SERINC2: variants seen among roughly 807,000 people sequenced by gnomAD.
SERINC2 encodes serine incorporator 2, also known as tumor differentially expressed protein 2.
A neutral mutation model predicts 54.2 loss-of-function variants in SERINC2; 56 were observed. That is an observed-to-expected ratio of 1.03 (90% confidence interval 0.83 to 1.29). The LOEUF (loss-of-function observed/expected upper bound fraction) is 1.29, where lower values mean the gene tolerates loss of function less well. Among genes scored for constraint, SERINC2 ranks in the 50% most tolerant of loss-of-function variants. SERINC2 has a pLI of 0.00. For synonymous variants in SERINC2, 272 were observed against 253.1 expected (o/e 1.07, Z -0.71); for missense variants, 614 against 607.4 (o/e 1.01, Z -0.12).
intron 6 of SERINC2, among the ~76,000 whole-genome samples, chr1:31,427,976 C>T (rs113312483): frequency 1.3e-5 from 2 of 152,026 alleles, no homozygotes; most frequent in African/African-American, 2.4e-5. Flanking sequence ...AGCTGCTCAC[C>T]TCAGCCTCCC....
At position 31,427,898 on chromosome 1, in the gene SERINC2, G is replaced by A. The variant is rs1393024111; in HGVS notation, c.780+1075G>A. On this transcript the variant is annotated intron_variant, in intron 6 of 9. Transcript: ENST00000373709. ...GGCTGGAGTGCAGTGGTGTAATCTCGGCTCACTGCAAGCTCCGCCTCCCAG... is the reference window on the plus strand; with the variant it reads ...GGCTGGAGTGCAGTGGTGTAATCTCAGCTCACTGCAAGCTCCGCCTCCCAG... Among the ~76,000 whole-genome samples, 6 of 142,692 alleles carry A rather than the reference G, an allele frequency of 4.2e-5. No homozygotes were observed. The South Asian group carries it at 6.7e-4, about 16-fold the overall frequency. 93.6% of individuals were successfully genotyped at this position (142,692 alleles called of 152,430 possible). A position where few individuals can be genotyped will look rare whatever the true frequency, so the allele number is the denominator to read the frequency against.
At position 31,434,250 on chromosome 1, in the gene SERINC2, G is replaced by C. The variant is rs782180001; in HGVS notation, c.*51G>C. On this transcript the variant is annotated 3_prime_UTR_variant, in exon 10 of 10. Transcript: ENST00000373709. ...TGCCTCCTGCCACCTGGTGCCTCTCGGCTCAGTGACAGCCAACCTGCCCCC... is the reference window on the plus strand; with the variant it reads ...TGCCTCCTGCCACCTGGTGCCTCTCCGCTCAGTGACAGCCAACCTGCCCCC... The C allele has an allele frequency of 6.3e-7, 1 of 1,582,936 alleles. No homozygotes were observed.
chr1:31,428,940 T>C, intron 6 of SERINC2, 38 bp from the exon 7 acceptor site: 1 of 1,571,462 alleles, frequency 6.4e-7, no homozygotes, highest in Non-Finnish European at 8.8e-7. Context: ...GGGGTGTCTC[T>C]GGTCTGGCAG....
In SERINC2 at chr1:31,413,589, G is replaced by C. The variant is rs1640699444; in HGVS notation, c.39+285G>C. On this transcript the variant is annotated intron_variant, in intron 1 of 9. Transcript: ENST00000373709. The surrounding 1 kb of genome is among the most constrained non-coding windows in gnomAD (Gnocchi z 5.0). ...GTGCCCTCGGCGGGCGCCCTCCTGG[G>C]ACCTGGAGAGACTAAGCCTGGAGCC... 1.3e-5 allele frequency among the ~76,000 whole-genome samples: 2 copies of C among 151,808 alleles called. No individual in the cohort carries two copies. Among genetic ancestry groups the C allele is most frequent in the Admixed American group, 1.3e-4 (2 of 15,262 alleles).
intron 1 of SERINC2, among the ~76,000 whole-genome samples, chr1:31,418,902 T>G (rs1553132509): frequency 1.3e-5 from 2 of 152,186 alleles, no homozygotes; most frequent in East Asian, 3.8e-4. Context: ...ATTGGCAGTG[T>G]GCAAGCAGCA....
Position 31,426,844 on chromosome 1 carries a change from C to A in SERINC2, c.780+21C>A, listed in dbSNP as rs782801922. On this transcript the variant is annotated intron_variant, in intron 6 of 9. Coordinates refer to ENST00000373709, the MANE Select transcript of SERINC2 (RefSeq NM_178865.5). ...TCCAGGTGAGCCTGCCTGACCCCCC[C>A]TGGCCTGAAGCCCGGCCCCTTAGTG... is the stretch of plus-strand genomic sequence containing the variant. 3.7e-6 allele frequency: 6 copies of A among 1,607,980 alleles called. 1 individual carries two copies. In the African/African-American group the frequency reaches 5.3e-5, roughly 14 times the overall value.
intron 8 of SERINC2, among the ~76,000 whole-genome samples, chr1:31,431,787 T>G (rs61781664): frequency 4.7e-3 from 57 of 12,010 alleles, no homozygotes; most frequent in South Asian, 0.013. Context: ...ATAGGGTGGA[T>G]AGGGTGGATA....
chr1:31,413,322 C>T lies in SERINC2; in HGVS notation c.39+18C>T, dbSNP rs542589129. ...TCAGCTGCGTGAGTCCCGACCCCGG[C>T]GCCCGCCCGCGCGCGCCGCCCGTTC... On this transcript the variant is annotated intron_variant, in intron 1 of 9. Coordinates refer to ENST00000373709, the MANE Select transcript of SERINC2 (RefSeq NM_178865.5). The surrounding 1 kb of genome is among the most constrained non-coding windows in gnomAD (Gnocchi z 5.0). 80 of 1,239,192 alleles carry T rather than the reference C, an allele frequency of 6.5e-5. No individual in the cohort carries two copies. The East Asian group carries it at 1.7e-3, about 27-fold the overall frequency. The allele number at this position is 1,239,192 out of a possible 1,614,324, so 76.8% of individuals were successfully genotyped here.
chr1:31,425,102 G>C (rs1553133354), intron 3 of SERINC2, among the ~76,000 whole-genome samples: 1 of 152,200 alleles, frequency 6.6e-6, no homozygotes, highest in African/African-American at 2.4e-5. Context: ...GCTGGGGCTG[G>C]ACCTGGGTGA....
At chr1:31,421,802 TGGCCTTGC>T (rs1553132759) in intron 1 of SERINC2, among the ~76,000 whole-genome samples, 130 of 152,318 alleles carry the variant, frequency 8.5e-4, no homozygotes, top group African/African-American at 3.0e-3. Context: ...CTATGTGGTC[TGGCCTTGC>T]CAGCCTGTCT....
intron 1 of SERINC2, among the ~76,000 whole-genome samples, chr1:31,421,144 A>T (rs145129934): frequency 6.6e-6 from 1 of 152,304 alleles, no homozygotes; most frequent in Non-Finnish European, 1.5e-5. Context: ...TTCTCATAGG[A>T]GTGCGAACCC....
intron 1 of SERINC2, among the ~76,000 whole-genome samples, chr1:31,419,565 T>C (rs1640858851): frequency 6.6e-6 from 1 of 152,320 alleles, no homozygotes; most frequent in South Asian, 2.1e-4. Context: ...TGGTGGCTCA[T>C]GCCTATAATC....
chr1:31,425,662 CA>C, intron 4 of SERINC2, 113 bp from the exon 5 acceptor site: 1 of 1,326,696 alleles, frequency 7.5e-7, no homozygotes, highest in Non-Finnish European at 1.0e-6. Context: ...TCCCTGAGGG[CA>C]GGGACTCTGT....
rs782798689 is a variant in SERINC2, at chr1:31,434,224, G to C, written c.*25G>C. The C allele has an allele frequency of 2.5e-6, 4 of 1,607,066 alleles. No homozygotes were observed. The South Asian group carries it at 4.4e-5, about 18-fold the overall frequency. Reference sequence around the variant, plus strand: ...AGGCAGCCTCACAGCCTGCCATCTGGTGCCTCCTGCCACCTGGTGCCTCTC... The same window carrying C: ...AGGCAGCCTCACAGCCTGCCATCTGCTGCCTCCTGCCACCTGGTGCCTCTC... On this transcript the variant is annotated 3_prime_UTR_variant, in exon 10 of 10. Transcript: ENST00000373709.
chr1:31,432,925 G>A lies in SERINC2; in HGVS notation c.1014-42G>A, dbSNP rs181141591. 2.5e-4 allele frequency: 375 copies of A among 1,493,384 alleles called. 2 individuals are homozygous for A. Among genetic ancestry groups the A allele is most frequent in the African/African-American group, 2.5e-3 (181 of 72,372 alleles). The allele number at this position is 1,493,384 out of a possible 1,614,324, so 92.5% of individuals were successfully genotyped here. ...ATTTGTGTCCAGTGTTATGAGCAAC[G>A]CCAGAGCTATCTATTTGCCCACCTT... On this transcript the variant is annotated intron_variant, in intron 8 of 9. Coordinates refer to ENST00000373709, the MANE Select transcript of SERINC2 (RefSeq NM_178865.5).
chr1:31,423,490 A>C (rs1640949789), intron 1 of SERINC2, among the ~76,000 whole-genome samples: 1 of 152,148 alleles, frequency 6.6e-6, no homozygotes, highest in Admixed American at 6.5e-5. Flanking sequence ...CCCAGGTTTG[A>C]ATCTGGGTTC....
At chr1:31,414,340 C>A in intron 1 of SERINC2, 1 of 1,301,030 alleles carries the variant, frequency 7.7e-7, no homozygotes, top group Non-Finnish European at 9.7e-7. Flanking sequence ...CCTCTGGCCC[C>A]ACACAAAGAG....
At chr1:31,415,084 A>G (rs1640750419) in intron 1 of SERINC2, among the ~76,000 whole-genome samples, 1 of 152,226 alleles carries the variant, frequency 6.6e-6, no homozygotes, top group Non-Finnish European at 1.5e-5. Flanking sequence ...ATCTGTTTAC[A>G]GATGAGAAGA....
chr1:31,414,354 C>A, intron 1 of SERINC2: 1 of 1,269,970 alleles, frequency 7.9e-7, no homozygotes, highest in Non-Finnish European at 9.9e-7. Flanking sequence ...CAAAGAGGCC[C>A]TGAGAGGGAG....
Sources: allele counts gnomAD v4.1 joint callset (sites outside exome capture counted in the v4.1 genomes callset), GRCh38; gene constraint gnomAD v4.1.1; non-coding constraint Gnocchi (gnomAD v3.1); transcripts MANE v1.5; gene names NCBI Gene and HGNC (gene_info 2026-07-23, HGNC 2026-07-21).